RIGI: variants seen among roughly 807,000 people sequenced by gnomAD.
The protein encoded by RIGI is antiviral innate immune response receptor RIG-I.
the RIGI span, among the ~76,000 whole-genome samples, chr9:32,484,374 G>C: frequency 1.3e-5 from 2 of 152,192 alleles, no homozygotes; most frequent in East Asian, 3.9e-4. Flanking sequence ...TGTGAGAGGA[G>C]ACACTCCATG....
At chr9:32,508,697 G>A in the RIGI span, among the ~76,000 whole-genome samples, 1 of 152,010 alleles carries the variant, frequency 6.6e-6, no homozygotes, top group South Asian at 2.1e-4. Flanking sequence ...CACTGAGCTA[G>A]CTGCAGTTTT....
chr9:32,488,035 G>A, the RIGI span: 1 of 1,613,962 alleles, frequency 6.2e-7, no homozygotes, highest in Non-Finnish European at 8.5e-7. Flanking sequence ...TAGTGTTGTG[G>A]CATTCATCAA....
the RIGI span, among the ~76,000 whole-genome samples, chr9:32,500,041 G>A: frequency 7.5e-3 from 1,142 of 152,244 alleles, 13 homozygotes; most frequent in African/African-American, 0.025. Flanking sequence ...ATAAAGATAT[G>A]GTCCTAATTA....
the RIGI span, among the ~76,000 whole-genome samples, chr9:32,462,565 C>T: frequency 3.9e-5 from 6 of 152,004 alleles, no homozygotes; most frequent in African/African-American, 1.4e-4. Flanking sequence ...GGTGCCACCA[C>T]ATCCAGCTAA....
At chr9:32,521,145 A>AAAAAAAAAAAAAAAAAAAAAAAAAC in the RIGI span, among the ~76,000 whole-genome samples, 1 of 149,598 alleles carries the variant, frequency 6.7e-6, no homozygotes, top group Non-Finnish European at 1.5e-5. Context: ...ATCTCAAAAA[A>AAAAAAAAAAAAAAAAAAAAAAAAAC]AAAAAAAAAA....
the RIGI span, among the ~76,000 whole-genome samples, chr9:32,510,325 G>C: frequency 6.6e-6 from 1 of 152,110 alleles, no homozygotes; most frequent in Non-Finnish European, 1.5e-5. Flanking sequence ...AAAATGTTAG[G>C]TGCAGCCAGA....
chr9:32,478,041 G>GTTTTTT, the RIGI span, among the ~76,000 whole-genome samples: 18 of 151,362 alleles, frequency 1.2e-4, no homozygotes, highest in African/African-American at 4.2e-4. Context: ...TGTTTTATCG[G>GTTTTTT]TTTTTGTTTT....
chr9:32,471,075 T>C, the RIGI span, among the ~76,000 whole-genome samples: 2 of 152,314 alleles, frequency 1.3e-5, no homozygotes, highest in East Asian at 1.9e-4. Context: ...CTGGCCAACA[T>C]GGCAAAATCC....
the RIGI span, chr9:32,477,250 TAGTA>T: frequency 8.7e-7 from 1 of 1,155,356 alleles, no homozygotes; most frequent in Non-Finnish European, 1.2e-6. Context: ...ATTTTATGAG[TAGTA>T]AGTACTGTTT....
At chr9:32,478,403 ATTG>A in the RIGI span, among the ~76,000 whole-genome samples, 35 of 152,152 alleles carry the variant, frequency 2.3e-4, no homozygotes, top group East Asian at 3.9e-3. Flanking sequence ...AGTTACACCT[ATTG>A]TTATCTATAT....
At chr9:32,495,827 G>A in the RIGI span, among the ~76,000 whole-genome samples, 77 of 151,472 alleles carry the variant, frequency 5.1e-4, no homozygotes, top group Middle Eastern at 6.8e-3. Context: ...GCCCAGCTAT[G>A]TGTACTTTTA....
At chr9:32,488,797 G>A in the RIGI span, 36 of 1,612,784 alleles carry the variant, frequency 2.2e-5, no homozygotes, top group East Asian at 4.5e-5. Flanking sequence ...GATCTGATTC[G>A]CAAAAAAGAC....
At chr9:32,480,481 A>G in the RIGI span, 1 of 924,918 alleles carries the variant, frequency 1.1e-6, no homozygotes, top group Non-Finnish European at 1.5e-6. Context: ...ATTCCAACTT[A>G]GCTTTTTAAA....
the RIGI span, among the ~76,000 whole-genome samples, chr9:32,508,151 G>A: frequency 2.7e-5 from 4 of 149,406 alleles, no homozygotes; most frequent in Non-Finnish European, 4.4e-5. Context: ...TCCCCCTTTT[G>A]AGGCAAGGGA....
the RIGI span, chr9:32,489,329 T>C: frequency 6.4e-7 from 1 of 1,559,582 alleles, no homozygotes; most frequent in East Asian, 2.3e-5. Flanking sequence ...ATGTAAGTAA[T>C]GGCAATAGGC....
the RIGI span, among the ~76,000 whole-genome samples, chr9:32,501,601 A>AC: frequency 6.6e-6 from 1 of 152,106 alleles, no homozygotes; most frequent in African/African-American, 2.4e-5. Flanking sequence ...GGTCATTCTA[A>AC]CTTTGTACAC....
chr9:32,518,756 C>T, the RIGI span, among the ~76,000 whole-genome samples: 1 of 152,242 alleles, frequency 6.6e-6, no homozygotes, highest in African/African-American at 2.4e-5. Context: ...TACATGCTTG[C>T]ATTGCTTCAC....
chr9:32,523,185 T>G, the RIGI span, among the ~76,000 whole-genome samples: 1 of 152,160 alleles, frequency 6.6e-6, no homozygotes, highest in Non-Finnish European at 1.5e-5. Context: ...ATTAAAGCCT[T>G]GGCAAAACTT....
chr9:32,455,373 A>G, the RIGI span, among the ~76,000 whole-genome samples: 3 of 152,154 alleles, frequency 2.0e-5, no homozygotes, highest in Admixed American at 6.5e-5. Flanking sequence ...GAAACTTACA[A>G]TCATGGCAGA....
Sources: allele counts gnomAD v4.1 joint callset (sites outside exome capture counted in the v4.1 genomes callset), GRCh38; gene constraint gnomAD v4.1.1; transcripts MANE v1.5; gene names NCBI Gene and HGNC (gene_info 2026-07-23, HGNC 2026-07-21).